Variants in RALGPS1 observed in about 807,000 individuals in gnomAD.
RALGPS1 encodes Ral GEF with PH domain and SH3 binding motif 1.
RALGPS1 carries 19 observed loss-of-function variants against 78.8 expected under a neutral mutation model. That is an observed-to-expected ratio of 0.24 (90% CI 0.17 to 0.35). The LOEUF is 0.35. Among genes scored for constraint, RALGPS1 ranks in the 10% least tolerant of loss-of-function variants. The pLI is 1.00. For synonymous variants in RALGPS1, 228 were observed against 256.3 expected, an observed-to-expected ratio of 0.89 and a Z score of 1.06; for missense variants, 454 against 688.3, an observed-to-expected ratio of 0.66 and a Z score of 3.81.
At chr9:127,199,766 A>C (rs556719050) in intron 14 of RALGPS1, among the ~76,000 whole-genome samples, 4 of 152,330 alleles carry the variant, frequency 2.6e-5, no homozygotes, top group Non-Finnish European at 4.4e-5. Flanking sequence ...GGGTACCCCC[A>C]CAGCCATGGC....
chr9:126,966,735 A>G (rs2039539160), intron 3 of RALGPS1, among the ~76,000 whole-genome samples: 1 of 151,768 alleles, frequency 6.6e-6, no homozygotes, highest in South Asian at 2.1e-4. Context: ...TATAACAACC[A>G]TTTTCTACAA....
intron 4 of RALGPS1, among the ~76,000 whole-genome samples, chr9:127,023,467 G>A (rs2045658719): frequency 6.6e-6 from 1 of 151,412 alleles, no homozygotes; most frequent in South Asian, 2.1e-4. Flanking sequence ...CTCTTTCCTT[G>A]CTTCCTTGTT....
chr9:126,983,656 T>C (rs1055455774), intron 4 of RALGPS1, among the ~76,000 whole-genome samples: 1 of 152,160 alleles, frequency 6.6e-6, no homozygotes, highest in African/African-American at 2.4e-5. Flanking sequence ...GGTTGTTACG[T>C]TTCTCAAATT....
intron 8 of RALGPS1, among the ~76,000 whole-genome samples, chr9:127,147,762 T>C (rs903434478): frequency 6.6e-6 from 1 of 152,234 alleles, no homozygotes; most frequent in Admixed American, 6.5e-5. Flanking sequence ...AATTAATGCC[T>C]GAGAAACACT....
chr9:126,976,331 A>ACT, intron 3 of RALGPS1, among the ~76,000 whole-genome samples: 1 of 149,682 alleles, frequency 6.7e-6, no homozygotes, highest in African/African-American at 2.5e-5. Flanking sequence ...ACACACACAC[A>ACT]CTTTCATATA....
At chr9:127,065,234 C>T (rs1019833109) in intron 7 of RALGPS1, among the ~76,000 whole-genome samples, 2 of 152,186 alleles carry the variant, frequency 1.3e-5, no homozygotes, top group South Asian at 4.1e-4. Context: ...CTGCCTCAGC[C>T]TTCTGAGTAG....
At chr9:126,959,084 G>A (rs536867898) in intron 1 of RALGPS1, among the ~76,000 whole-genome samples, 94 of 147,588 alleles carry the variant, frequency 6.4e-4, no homozygotes, top group African/African-American at 2.2e-3. Context: ...TTTTTTTGAG[G>A]TGGAGTCTCA....
intron 4 of RALGPS1, among the ~76,000 whole-genome samples, chr9:127,009,090 T>A (rs1034431550): frequency 2.6e-5 from 4 of 152,228 alleles, no homozygotes; most frequent in Non-Finnish European, 5.9e-5. Context: ...GGAGATACTT[T>A]TGCAAGTTCT....
chr9:127,039,953 A>T (rs2047150047), intron 5 of RALGPS1, among the ~76,000 whole-genome samples: 1 of 152,222 alleles, frequency 6.6e-6, no homozygotes, highest in African/African-American at 2.4e-5. Flanking sequence ...GCCCCAGTGC[A>T]TGTAGGTAGT....
Position 127,195,076 on chromosome 9 carries a change from C to T in RALGPS1, c.911-15C>T, listed in dbSNP as rs1463367017. On this transcript the variant is annotated splice_polypyrimidine_tract_variant and intron_variant, in intron 11 of 18. Transcript: ENST00000259351. Reference sequence around the variant, plus strand: ...ATCATAACCCCCGTTGTTGCTCTCTCTGCTCTGTTTGCAGGTCCCTCTGCT... The same window carrying T: ...ATCATAACCCCCGTTGTTGCTCTCTTTGCTCTGTTTGCAGGTCCCTCTGCT... 6.2e-6 allele frequency: 10 copies of T among 1,612,864 alleles called. No individual in the cohort carries two copies. The highest frequency in any genetic ancestry group is 1.3e-5 in the African/African-American group (1 of 74,920).
At chr9:126,933,478 G>A (rs2035984697) in intron 1 of RALGPS1, among the ~76,000 whole-genome samples, 1 of 152,168 alleles carries the variant, frequency 6.6e-6, no homozygotes, top group Admixed American at 6.5e-5. Context: ...CCAAGGGAGC[G>A]GCAGAGACTG....
In RALGPS1 at chr9:126,993,017, G is replaced by GTTTTTTCATAGTTTCAT; in HGVS notation, c.216+15272_216+15273insTTTTTTCATAGTTTCAT. Among the ~76,000 whole-genome samples, 3 of 152,300 alleles carry GTTTTTTCATAGTTTCAT rather than the reference G, an allele frequency of 2.0e-5. 1 individual carries two copies. The Middle Eastern group carries it at 0.01, about 518-fold the overall frequency. ...GCTGTTAGCAGTAGGTTTTTTCATA[G>GTTTTTTCATAGTTTCAT]AGGTCTTTTTATCAGGTTGAGGAAA... On this transcript the variant is annotated intron_variant, in intron 4 of 18. Coordinates refer to ENST00000259351, the MANE Select transcript of RALGPS1 (RefSeq NM_014636.3).
At chr9:127,145,217 T>C (rs2058028722) in intron 8 of RALGPS1, among the ~76,000 whole-genome samples, 1 of 152,182 alleles carries the variant, frequency 6.6e-6, no homozygotes, top group Non-Finnish European at 1.5e-5. Flanking sequence ...GCTCCATGTC[T>C]GGCACTGAGT....
chr9:127,188,997 CAAAAAAAAA>C (rs543909572), intron 11 of RALGPS1, among the ~76,000 whole-genome samples: 5 of 56,816 alleles, frequency 8.8e-5, no homozygotes, highest in East Asian at 6.9e-4. Flanking sequence ...AAGACTGTCT[CAAAAAAAAA>C]AAAAAAAAAA....
chr9:126,978,521 A>C (rs932506350), intron 4 of RALGPS1, among the ~76,000 whole-genome samples: 1 of 151,444 alleles, frequency 6.6e-6, no homozygotes, highest in Non-Finnish European at 1.5e-5. Flanking sequence ...AGGCAGGAGA[A>C]TTGCTTGAAC....
At chr9:127,116,686 A>G (rs2055459103) in intron 8 of RALGPS1, among the ~76,000 whole-genome samples, 1 of 152,136 alleles carries the variant, frequency 6.6e-6, no homozygotes, top group Non-Finnish European at 1.5e-5. Flanking sequence ...GCTTTTCTGG[A>G]CCAGGCTGAG....
chr9:126,921,272 C>T (rs2119670752), intron 1 of RALGPS1, among the ~76,000 whole-genome samples: 1 of 152,344 alleles, frequency 6.6e-6, no homozygotes, highest in Non-Finnish European at 1.5e-5. Context: ...GTCCTCAGGA[C>T]CTTCCTCACT....
At chr9:127,116,499 G>GC (rs2055438182) in intron 8 of RALGPS1, among the ~76,000 whole-genome samples, 1 of 152,218 alleles carries the variant, frequency 6.6e-6, no homozygotes, top group South Asian at 2.1e-4. Flanking sequence ...GGAAGAGTCT[G>GC]CAGAAGCCAT....
At chr9:127,053,364 G>A (rs1055039222) in intron 7 of RALGPS1, among the ~76,000 whole-genome samples, 9 of 152,170 alleles carry the variant, frequency 5.9e-5, no homozygotes, top group African/African-American at 1.9e-4. Context: ...TGTGACCCCC[G>A]TGTAGGAAAA....
Sources: allele counts gnomAD v4.1 joint callset (sites outside exome capture counted in the v4.1 genomes callset), GRCh38; gene constraint gnomAD v4.1.1; transcripts MANE v1.5; gene names NCBI Gene and HGNC (gene_info 2026-07-23, HGNC 2026-07-21).